Variants in SSC5D observed in about 807,000 individuals in gnomAD.
SSC5D encodes soluble scavenger receptor cysteine-rich domain-containing protein SSC5D.
SSC5D carries 106 observed loss-of-function variants against 104.6 expected under a neutral mutation model. The observed-to-expected ratio is 1.01, with a 90% CI of 0.87 to 1.19. SSC5D has a LOEUF of 1.19. Ranked by LOEUF, SSC5D falls within the 50% of genes most tolerant of loss-of-function variation. The pLI is 0.00. For synonymous variants in SSC5D, 860 were observed against 883.5 expected, an observed-to-expected ratio of 0.97 and a Z score of 0.47; for missense variants, 1,993 against 2,153.8, an observed-to-expected ratio of 0.93 and a Z score of 1.48.
chr19:55,490,056 G>A, intron 4 of SSC5D, 61 bp downstream of exon 4: 2 of 902,082 alleles, frequency 2.2e-6, no homozygotes, highest in Non-Finnish European at 1.5e-6. Context: ...CCCCCCCGAG[G>A]GGAGAGGGAC....
Position 55,501,068 on chromosome 19 carries a change from C to A in SSC5D, c.2652C>A (p.Thr884=). Residue 884 remains threonine, a synonymous_variant, in exon 12 of 14, where the codon ACC becomes ACA. Transcript: ENST00000389623. ...ACTATGACGATTATCCCCCCTGGAC[C>A]TGGGACCCCACCTCAAGAGAGGACC... The part of the protein sequence containing the change: ...YTDYDDYPPW[T]WDPTSREDLA... The A allele has an allele frequency of 1.3e-6, 2 of 1,551,914 alleles. No homozygotes were observed. The highest frequency in any genetic ancestry group is 1.7e-6 in the Non-Finnish European group (2 of 1,147,022).
Position 55,500,740 on chromosome 19 carries a change from C to T in SSC5D, c.2553C>T (p.Cys851=). Residue 851 remains cysteine (C), a synonymous_variant, in exon 11 of 14, where the codon TGC becomes TGT. Transcript: ENST00000389623. This position sits in a 1 kb window ranked among gnomAD's most constrained non-coding sequence, Gnocchi z 4.6. ...CKGSEASLSD[C]PSGAWGKHNC... ...GAAGCGAGGCCTCACTGAGCGACTGCCCCTCGGGGGCTTGGGGGAAGCACA... is the reference window on the plus strand; with the variant it reads ...GAAGCGAGGCCTCACTGAGCGACTGTCCCTCGGGGGCTTGGGGGAAGCACA... 1.3e-6 allele frequency: 2 copies of T among 1,551,654 alleles called. No individual in the cohort carries two copies. Among genetic ancestry groups the T allele is most frequent in the South Asian group, 2.4e-5 (2 of 84,064 alleles).
At chr19:55,504,536 TGTCACCCACGCTGGAGTGCAGTGGC>T (rs748355960) in intron 12 of SSC5D, among the ~76,000 whole-genome samples, 41 of 152,360 alleles carry the variant, frequency 2.7e-4, no homozygotes, top group Non-Finnish European at 5.0e-4. Flanking sequence ...AGTCTCGCTC[TGTCACCCACGCTGGAGTGCAGTGGC>T]GCTATCTCAG....
intron 7 of SSC5D, 82 bp downstream of exon 7, chr19:55,493,994 GTCCCTA>G (rs1987239717): frequency 7.0e-6 from 1 of 143,534 alleles, no homozygotes; most frequent in Non-Finnish European, 1.4e-5. Flanking sequence ...GGGCGGGGGG[GTCCCTA>G]CGCGCCCTTC....
intron 6 of SSC5D, chr19:55,491,840 AC>A: frequency 6.6e-6 from 1 of 151,086 alleles, no homozygotes; most frequent in Non-Finnish European, 1.5e-5. Flanking sequence ...TTTACACACC[AC>A]CACGGCAGGC....
At position 55,499,827 on chromosome 19, in the gene SSC5D, C is replaced by T. The variant is rs1011740645; in HGVS notation, c.1717C>T (p.Leu573=). ...VGVTCTGPPG[L]DSISDPFSWS... ...CACTCACCTTCCAGGGCCCCCAGGC[C>T]TGGACTCCATCTCAGACCCCTTCAG... is the stretch of plus-strand genomic sequence containing the variant. The change falls in exon 10 of 14, where the codon CTG becomes TTG. Residue 573 remains leucine, a synonymous_variant. Coordinates refer to ENST00000389623, the MANE Select transcript of SSC5D (RefSeq NM_001144950.2). 3.2e-6 allele frequency: 5 copies of T among 1,551,226 alleles called. No individual in the cohort carries two copies. In the African/African-American group the frequency reaches 6.9e-5, roughly 21 times the overall value.
intron 8 of SSC5D, among the ~76,000 whole-genome samples, chr19:55,495,890 C>T (rs1987313905): frequency 6.7e-6 from 1 of 149,634 alleles, no homozygotes. Flanking sequence ...TGCATGCCAC[C>T]GAGCCTGGCT....
chr19:55,513,378 C>T (rs368316582), intron 13 of SSC5D, among the ~76,000 whole-genome samples: 4 of 152,040 alleles, frequency 2.6e-5, no homozygotes, highest in South Asian at 2.1e-4. Flanking sequence ...TGCTTAAGCT[C>T]GGGAGTTTGA....
chr19:55,514,613 AAGAG>A (rs1056575148), intron 13 of SSC5D, among the ~76,000 whole-genome samples: 6 of 148,986 alleles, frequency 4.0e-5, no homozygotes, highest in East Asian at 3.9e-4. Context: ...AAAAAAAAAA[AAGAG>A]AGAGAGAGAA....
At position 55,489,453 on chromosome 19, in the gene SSC5D, TGC is replaced by T; in HGVS notation, c.156_157del (p.Asp53CysfsTer73). ...ACCGTGTGTGATGACGGCTGGGACC[TGC>T]GCGATGCCGCCGTGGCCTGCCGGCA... On this transcript the variant is annotated frameshift_variant, in exon 3 of 14. Transcript: ENST00000389623. LOFTEE classifies it high-confidence loss of function. 6.7e-7 allele frequency: 1 copy of T among 1,481,768 alleles called. No individual in the cohort carries two copies. The allele number at this position is 1,481,768 out of a possible 1,614,324, so 91.8% of individuals were successfully genotyped here.
chr19:55,518,455 C>T lies in SSC5D; in HGVS notation c.4179C>T (p.Pro1393=). 1 of 1,551,392 alleles carries T rather than the reference C, an allele frequency of 6.4e-7. No homozygotes were observed. Among genetic ancestry groups the T allele is most frequent in the African/African-American group, 1.4e-5 (1 of 73,092 alleles). The change falls in exon 14 of 14, where the codon CCC becomes CCT. Residue 1393 remains proline (P), a synonymous_variant. Transcript: ENST00000389623. ...LEPSPALESS[P]SRSSTATSMD... is the part of the protein sequence containing the mutation. The stretch of plus-strand genomic sequence containing the variant: ...CCTCTCCAGCCTTGGAGTCCAGCCC[C>T]TCCAGGTCCTCCACAGCCACAAGCA...
Position 55,489,965 on chromosome 19 carries a change from C to G in SSC5D, c.445C>G (p.Pro149Ala). ...PWPGLLLELS[P>A]STEEPLVTHA... The stretch of plus-strand genomic sequence containing the variant: ...GCCAGGGCTGTTGCTGGAGCTGAGC[C>G]CCAGCACGGAGGAGCCCCTGGTGAC... Residue 149 changes from proline to alanine, a missense_variant, in exon 4 of 14, where the codon CCC becomes GCC. By Grantham distance (27) the Pro-to-Ala change is conservative (BLOSUM62 -1). This residue lies in a region of SSC5D where 1,101 missense variants were observed against 1,085.0 expected (regional missense o/e 1.01). Coordinates refer to ENST00000389623, the MANE Select transcript of SSC5D (RefSeq NM_001144950.2). 6.5e-7 allele frequency: 1 copy of G among 1,549,832 alleles called. No individual in the cohort carries two copies. Among genetic ancestry groups the G allele is most frequent in the Non-Finnish European group, 8.7e-7 (1 of 1,146,670 alleles).
chr19:55,501,289 T>C, intron 12 of SSC5D, 88 bp downstream of exon 12: 1 of 1,416,830 alleles, frequency 7.1e-7, no homozygotes, highest in Non-Finnish European at 9.3e-7. Flanking sequence ...CCCTTCTCAA[T>C]GAGCTGGCTG....
chr19:55,515,475 G>C (rs1372893951), intron 13 of SSC5D, among the ~76,000 whole-genome samples: 1 of 151,096 alleles, frequency 6.6e-6, no homozygotes, highest in Non-Finnish European at 1.5e-5. Context: ...GGCCACGCCT[G>C]TAATCCCAGC....
At position 55,518,891 on chromosome 19, in the gene SSC5D, G is replaced by T. The variant is rs985363449; in HGVS notation, c.4615G>T (p.Gly1539Cys). 1.9e-6 allele frequency: 3 copies of T among 1,550,330 alleles called. No homozygotes were observed. The highest frequency in any genetic ancestry group is 3.3e-4 in the Middle Eastern group (2 of 5,992). ...AGCTGCCCGGGGTCTGGGGCAGCTG[G>T]GTGAGGCTGTGAAGAGACTGGCAGA... ...VEAARGLGQL[G>C]EAVKRLAEMA... is the part of the protein sequence containing the mutation. Residue 1539 changes from glycine (G) to cysteine (C), a missense_variant, in exon 14 of 14, where the codon GGT (glycine) becomes TGT (cysteine). Physicochemically the swap from Gly to Cys is radical, Grantham distance 159. This residue lies in a region of SSC5D where 349 missense variants were observed against 397.6 expected (regional missense o/e 0.88). Coordinates refer to ENST00000389623, the MANE Select transcript of SSC5D (RefSeq NM_001144950.2).
chr19:55,489,261 AC>A, intron 2 of SSC5D, 92 bp from the exon 3 acceptor site: 1 of 1,329,042 alleles, frequency 7.5e-7, no homozygotes, highest in Non-Finnish European at 9.8e-7. Context: ...TACAGACAGT[AC>A]CTGCAGGACA....
Position 55,500,750 on chromosome 19 carries a change from G to A in SSC5D, c.2563G>A (p.Ala855Thr), listed in dbSNP as rs141307342. 213 of 1,551,634 alleles carry A rather than the reference G, an allele frequency of 1.4e-4. 1 individual carries two copies. The highest frequency in any genetic ancestry group is 1.2e-3 in the Middle Eastern group (7 of 5,994). Residue 855 changes from alanine to threonine, a missense_variant, in exon 11 of 14, where the codon GCT becomes ACT. This residue lies in a region of SSC5D where 423 missense variants were observed against 409.2 expected (regional missense o/e 1.03). Transcript: ENST00000389623. This position sits in a 1 kb window ranked among gnomAD's most constrained non-coding sequence, Gnocchi z 4.6. ...EASLSDCPSG[A>T]WGKHNCDHEE... ...CTCACTGAGCGACTGCCCCTCGGGGGCTTGGGGGAAGCACAACTGTGACCA... is the reference window on the plus strand; with the variant it reads ...CTCACTGAGCGACTGCCCCTCGGGGACTTGGGGGAAGCACAACTGTGACCA...
rs777498949 is a variant in SSC5D, at chr19:55,518,539, C to T, written c.4263C>T (p.Thr1421=). 6.5e-7 allele frequency: 1 copy of T among 1,549,656 alleles called. No homozygotes were observed. The highest frequency in any genetic ancestry group is 1.2e-5 in the South Asian group (1 of 83,944). ...KPPRSQSPNL[T]PPPTHTPHSA... Reference sequence around the variant, plus strand: ...CCAGAAGCCAGAGCCCCAACCTAACCCCTCCACCCACCCATACCCCACACT... The same window carrying T: ...CCAGAAGCCAGAGCCCCAACCTAACTCCTCCACCCACCCATACCCCACACT... Residue 1421 remains threonine (T), a synonymous_variant, in exon 14 of 14, where the codon ACC becomes ACT. Coordinates refer to ENST00000389623, the MANE Select transcript of SSC5D (RefSeq NM_001144950.2).
intron 2 of SSC5D, 57 bp downstream of exon 2, chr19:55,489,089 G>A: frequency 1.1e-6 from 1 of 870,592 alleles, no homozygotes; most frequent in Non-Finnish European, 1.5e-6. Context: ...TCCCCCTTCT[G>A]CCCATCCAGG....
Sources: allele counts gnomAD v4.1 joint callset (sites outside exome capture counted in the v4.1 genomes callset), GRCh38; gene constraint gnomAD v4.1.1; regional missense constraint gnomAD v4.1.1; non-coding constraint Gnocchi (gnomAD v3.1); transcripts MANE v1.5; gene names NCBI Gene and HGNC (gene_info 2026-07-23, HGNC 2026-07-21).